The following NACA variants were observed in gnomAD, a reference collection of about 807,000 sequenced individuals.
The protein encoded by NACA is nascent polypeptide associated complex subunit alpha.
A neutral mutation model predicts 86.4 loss-of-function variants in NACA; 42 were observed. That is an observed-to-expected ratio of 0.49 (90% CI 0.38 to 0.63). NACA has a LOEUF of 0.63. Among genes scored for constraint, NACA ranks in the 20% least tolerant of loss-of-function variants. NACA has a pLI of 0.00. For missense variants in NACA, 2,157 were observed against 2,483.6 expected (o/e 0.87, Z 2.80); for synonymous variants, 898 against 973.7 (o/e 0.92, Z 1.45).
rs758933584 is a variant in NACA at position 56,716,998 on chromosome 12, G to A, written c.4532C>T (p.Ser1511Phe). 1.0e-5 allele frequency: 13 copies of A among 1,284,284 alleles called. No individual in the cohort carries two copies. The highest frequency in any genetic ancestry group is 4.3e-4 in the Middle Eastern group (2 of 4,620). 79.6% of individuals were successfully genotyped at this position (1,284,284 alleles called of 1,614,324 possible). Residue 1511 changes from serine to phenylalanine, a missense_variant, in exon 3 of 9, where the codon TCT (serine) becomes TTT (phenylalanine). By Grantham distance (155) the Ser-to-Phe change is radical. Transcript: ENST00000454682. ...GAPTLPAVIP[S>F]SPKEVPATPS... ...GGTAGCTGGGACCTCTTTGGGGGAAGAAGGAATCACAGCTGGCAGAGTGGG... is the reference window on the plus strand; with the variant it reads ...GGTAGCTGGGACCTCTTTGGGGGAAAAAGGAATCACAGCTGGCAGAGTGGG...
Position 56,713,195 on chromosome 12 carries a change from A to C in NACA, c.5971-5T>G. On this transcript the variant is annotated splice_region_variant and splice_polypyrimidine_tract_variant and intron_variant, in intron 6 of 8. Coordinates refer to ENST00000454682, the MANE Select transcript of NACA (RefSeq NM_001365896.1). ...TTGCTGGGATAAATCTTCGATCTAC[A>C]GGGTAGAAAATACAGATCCATGTGA... 6.2e-7 allele frequency: 1 copy of C among 1,613,760 alleles called. No individual in the cohort carries two copies. The highest frequency in any genetic ancestry group is 1.7e-5 in the Admixed American group (1 of 59,980).
At chr12:56,714,767 G>C (rs970588569) in intron 3 of NACA, 80 bp from the exon 4 acceptor site, 1 of 1,282,842 alleles carries the variant, frequency 7.8e-7, no homozygotes, top group Admixed American at 1.7e-5. Flanking sequence ...CCCTGGACTA[G>C]AGGTGAATGC....
Position 56,713,583 on chromosome 12 carries a change from T to C in NACA, c.5924A>G (p.Tyr1975Cys), listed in dbSNP as rs771639337. 1.2e-6 allele frequency: 2 copies of C among 1,614,032 alleles called. No homozygotes were observed. Among genetic ancestry groups the C allele is most frequent in the South Asian group, 1.1e-5 (1 of 91,080 alleles). Residue 1975 changes from tyrosine (Y) to cysteine (C), a missense_variant, in exon 6 of 9, where the codon TAC becomes TGC. Coordinates refer to ENST00000454682, the MANE Select transcript of NACA (RefSeq NM_001365896.1). ...ILFVITKPDV[Y>C]KSPASDTYIV... Reference sequence around the variant, plus strand: ...GTAAGTATCTGAAGCAGGGCTCTTGTAGACATCTGGTTTTGTGATGACAAA... The same window carrying C: ...GTAAGTATCTGAAGCAGGGCTCTTGCAGACATCTGGTTTTGTGATGACAAA...
Position 56,720,361 on chromosome 12 carries a change from C to T in NACA, c.1169G>A (p.Ser390Asn). The change falls in exon 3 of 9, where the codon AGC (serine) becomes AAC (asparagine). Residue 390 changes from serine to asparagine, a missense_variant. Transcript: ENST00000454682. ...SVDKGPSTIS[S>N]ITCSPSGSLN... ...GGAGCCAGAAGGGCTGCAGGTTATG[C>T]TAGAGATGGTAGAGGGACCTTTGTC... The T allele has an allele frequency of 6.2e-7, 1 of 1,613,722 alleles. No homozygotes were observed. Among genetic ancestry groups the T allele is most frequent in the Non-Finnish European group, 8.5e-7 (1 of 1,179,790 alleles).
chr12:56,714,804 T>A (rs1270250108), intron 3 of NACA, 117 bp from the exon 4 acceptor site: 2 of 923,922 alleles, frequency 2.2e-6, no homozygotes, highest in Non-Finnish European at 3.4e-6. Flanking sequence ...GAATGTTAAA[T>A]GTAAACCAAC....
chr12:56,720,700 G>C lies in NACA; in HGVS notation c.830C>G (p.Ser277Cys), dbSNP rs543527270. The C allele has an allele frequency of 2.5e-6, 4 of 1,613,958 alleles. No homozygotes were observed. In the East Asian group the frequency reaches 6.7e-5, roughly 27 times the overall value. ...CACAGGAAGAGACTGAGTTGAAAGAGATAAGGCAGCAGGTGGACTAACAGG... is the reference window on the plus strand; with the variant it reads ...CACAGGAAGAGACTGAGTTGAAAGACATAAGGCAGCAGGTGGACTAACAGG... ...KGPVSPPAAL[S>C]LSTQSLPVVT... Residue 277 changes from serine (S) to cysteine (C), a missense_variant, in exon 3 of 9, where the codon TCT becomes TGT. Ser to Cys is a moderately radical substitution (Grantham distance 112). Around this residue, in one of 8 missense-constraint regions of NACA, gnomAD observed 947 missense variants for 917.9 expected, o/e 1.03. Coordinates refer to ENST00000454682, the MANE Select transcript of NACA (RefSeq NM_001365896.1).
At position 56,721,313 on chromosome 12, in the gene NACA, T is replaced by C. The variant is rs756582431; in HGVS notation, c.217A>G (p.Ile73Val). The C allele has an allele frequency of 1.6e-5, 25 of 1,607,094 alleles. No homozygotes were observed. In the Middle Eastern group the frequency reaches 8.3e-4, roughly 53 times the overall value. The change falls in exon 3 of 9, where the codon ATT becomes GTT. Residue 73 changes from isoleucine (I) to valine (V), a missense_variant. Around this residue, in one of 8 missense-constraint regions of NACA, gnomAD observed 947 missense variants for 917.9 expected, o/e 1.03. Transcript: ENST00000454682. The part of the protein sequence containing the change: ...QASPFPSPST[I>V]ASTPLEVPFP... ...GGAACTTCTAAAGGGGTCGAGGCAA[T>C]AGTAGAGGGGGAAGGGAATGGGGAA...
chr12:56,712,453 CTT>C lies in NACA; in HGVS notation c.*83_*84del, dbSNP rs1304397091. ...GAATTCATCCAACAAGAAGCCATAA[CTT>C]TATTTATGATAGAAACAGTACAAAT... On this transcript the variant is annotated 3_prime_UTR_variant, in exon 9 of 9. Coordinates refer to ENST00000454682, the MANE Select transcript of NACA (RefSeq NM_001365896.1). 2.8e-6 allele frequency: 4 copies of C among 1,406,766 alleles called. No individual in the cohort carries two copies. In the East Asian group the frequency reaches 9.2e-5, roughly 32 times the overall value. The allele number at this position is 1,406,766 out of a possible 1,614,324, so 87.1% of individuals were successfully genotyped here.
At position 56,724,403 on chromosome 12, in the gene NACA, G is replaced by A. The variant is rs765916766; in HGVS notation, c.70+49C>T. ...CCCTTGGTCATTTTGCCCACCAAAT[G>A]GCTTTAGGGTTAATTTTAATTAATG... is the stretch of plus-strand genomic sequence containing the variant. On this transcript the variant is annotated intron_variant, in intron 2 of 8. Transcript: ENST00000454682. 23 of 1,548,668 alleles carry A rather than the reference G, an allele frequency of 1.5e-5. No individual in the cohort carries two copies. In the African/African-American group the frequency reaches 2.7e-4, roughly 19 times the overall value.
chr12:56,718,644 G>A lies in NACA; in HGVS notation c.2886C>T (p.Ala962=), dbSNP rs537859542. The A allele has an allele frequency of 1.3e-5, 17 of 1,320,412 alleles. No individual in the cohort carries two copies. Among genetic ancestry groups the A allele is most frequent in the South Asian group, 2.8e-5 (2 of 72,080 alleles). 81.8% of individuals were successfully genotyped at this position (1,320,412 alleles called of 1,614,324 possible). The part of the protein sequence containing the change: ...GGPATPSPKW[A]PTPPAATPPS... Reference sequence around the variant, plus strand: ...GAGGAGTTGCAGCTGGGGGTGTGGGGGCCCATTTCGGGGATGGGGTAGCTG... The same window carrying A: ...GAGGAGTTGCAGCTGGGGGTGTGGGAGCCCATTTCGGGGATGGGGTAGCTG... Residue 962 remains alanine (A), a synonymous_variant, in exon 3 of 9, where the codon GCC becomes GCT. Transcript: ENST00000454682.
rs1472033537 is a variant in NACA at position 56,719,504 on chromosome 12, A to G, written c.2026T>C (p.Phe676Leu). The change falls in exon 3 of 9, where the codon TTT becomes CTT. Residue 676 changes from phenylalanine to leucine, a missense_variant. Phe to Leu is a conservative substitution (Grantham distance 22). Around this residue, in one of 8 missense-constraint regions of NACA, gnomAD observed 947 missense variants for 917.9 expected, o/e 1.03. Coordinates refer to ENST00000454682, the MANE Select transcript of NACA (RefSeq NM_001365896.1). Reference protein sequence around the residue: ...TSTYTTTASPFLEGTVSLAPK... With the variant: ...TSTYTTTASPLLEGTVSLAPK... Reference sequence around the variant, plus strand: ...GCTAAAGAGACAGTTCCTTCTAGAAAAGGGCTGGCTGTAGTTGTATAAGTT... The same window carrying G: ...GCTAAAGAGACAGTTCCTTCTAGAAGAGGGCTGGCTGTAGTTGTATAAGTT... 7 of 1,613,934 alleles carry G rather than the reference A, an allele frequency of 4.3e-6. No individual in the cohort carries two copies. The highest frequency in any genetic ancestry group is 5.9e-6 in the Non-Finnish European group (7 of 1,179,874).
At position 56,717,472 on chromosome 12, in the gene NACA, G is replaced by C. The variant is rs369112398; in HGVS notation, c.4058C>G (p.Thr1353Ser). 13 of 1,375,268 alleles carry C rather than the reference G, an allele frequency of 9.5e-6. No homozygotes were observed. Among genetic ancestry groups the C allele is most frequent in the Non-Finnish European group, 1.3e-5 (13 of 1,038,330 alleles). 85.2% of individuals were successfully genotyped at this position (1,375,268 alleles called of 1,614,324 possible). The change falls in exon 3 of 9, where the codon ACT (threonine) becomes AGT (serine). Residue 1353 changes from threonine (T) to serine (S), a missense_variant. By Grantham distance (58) the Thr-to-Ser change is moderately conservative (BLOSUM62 1). Transcript: ENST00000454682. ...PKGTPTLPAT[T>S]PSSKGGPTTP... ...AGTTGGGCCTCCTTTAGAGGAGGGAGTTGTAGCTGGGAGAGTAGGGGTCCC... is the reference window on the plus strand; with the variant it reads ...AGTTGGGCCTCCTTTAGAGGAGGGACTTGTAGCTGGGAGAGTAGGGGTCCC...
chr12:56,720,990 A>G lies in NACA; in HGVS notation c.540T>C (p.Ala180=), dbSNP rs1271108609. ...TAAGATTAGTCTTTGGTTCTGAGGG[A>G]GCAATGGGAGCTGACAGAGTTATCA... is the stretch of plus-strand genomic sequence containing the variant. ...GSVITLSAPI[A]PSEPKTNLNK... is the part of the protein sequence containing the mutation. The change falls in exon 3 of 9, where the codon GCT becomes GCC. Residue 180 remains alanine, a synonymous_variant. Coordinates refer to ENST00000454682, the MANE Select transcript of NACA (RefSeq NM_001365896.1). The G allele has an allele frequency of 1.2e-6, 2 of 1,613,990 alleles. No homozygotes were observed. The highest frequency in any genetic ancestry group is 1.7e-6 in the Non-Finnish European group (2 of 1,179,888).
At position 56,716,324 on chromosome 12, in the gene NACA, C is replaced by T. The variant is rs1450420436; in HGVS notation, c.5206G>A (p.Ala1736Thr). ...TCTTTCTGAACAGGGAGTAGAGGGGCTGGAGCCACTGTGGAAAGGGGTCCT... is the reference window on the plus strand; with the variant it reads ...TCTTTCTGAACAGGGAGTAGAGGGGTTGGAGCCACTGTGGAAAGGGGTCCT... Reference protein sequence around the residue: ...SKGPLSTVAPAPLLPVQKDSS... With the variant: ...SKGPLSTVAPTPLLPVQKDSS... The change falls in exon 3 of 9, where the codon GCC (alanine) becomes ACC (threonine). Residue 1736 changes from alanine (A) to threonine (T), a missense_variant. Around this residue, in one of 8 missense-constraint regions of NACA, gnomAD observed 797 missense variants for 777.6 expected, o/e 1.02. Coordinates refer to ENST00000454682, the MANE Select transcript of NACA (RefSeq NM_001365896.1). 1 of 1,612,824 alleles carries T rather than the reference C, an allele frequency of 6.2e-7. No individual in the cohort carries two copies. The highest frequency in any genetic ancestry group is 1.1e-5 in the South Asian group (1 of 90,258).
In NACA at chr12:56,720,485, A is replaced by T. The variant is rs780869837; in HGVS notation, c.1045T>A (p.Ser349Thr). The T allele has an allele frequency of 1.2e-5, 20 of 1,613,794 alleles. No homozygotes were observed. The South Asian group carries it at 2.1e-4, about 17-fold the overall frequency. ...ATTACAGATCTCTGAGAAGGATAAG[A>T]GGCCCCTGTGGAAGAATGATCTACA... ...ISVDHSSTGA[S>T]YPSQRSVIPP... is the part of the protein sequence containing the mutation. The change falls in exon 3 of 9, where the codon TCT becomes ACT. Residue 349 changes from serine (S) to threonine (T), a missense_variant. Transcript: ENST00000454682.
rs1041462539 is a variant in NACA at position 56,720,206 on chromosome 12, C to T, written c.1324G>A (p.Val442Met). ...PVSSVGTTPL[V>M]VTNPCTIAAA... Reference sequence around the variant, plus strand: ...GCAATTGTACAGGGGTTAGTCACCACAAGTGGGGTGGTTCCAACAGAAGAA... The same window carrying T: ...GCAATTGTACAGGGGTTAGTCACCATAAGTGGGGTGGTTCCAACAGAAGAA... Residue 442 changes from valine (V) to methionine (M), a missense_variant, in exon 3 of 9, where the codon GTG becomes ATG. Transcript: ENST00000454682. The T allele has an allele frequency of 6.2e-7, 1 of 1,613,736 alleles. No homozygotes were observed. The highest frequency in any genetic ancestry group is 1.3e-5 in the African/African-American group (1 of 74,856).
rs778408573 is a variant in NACA, at chr12:56,721,320, G to C, written c.210C>G (p.Pro70=). The change falls in exon 3 of 9, where the codon CCC becomes CCG. Residue 70 remains proline (P), a synonymous_variant. Transcript: ENST00000454682. ...AANQASPFPS[P]STIASTPLEV... is the part of the protein sequence containing the mutation. ...CTAAAGGGGTCGAGGCAATAGTAGAGGGGGAAGGGAATGGGGAAGCCTGGT... is the reference window on the plus strand; with the variant it reads ...CTAAAGGGGTCGAGGCAATAGTAGACGGGGAAGGGAATGGGGAAGCCTGGT... 1 of 1,612,126 alleles carries C rather than the reference G, an allele frequency of 6.2e-7. No individual in the cohort carries two copies.
rs376202677 is a variant in NACA at position 56,713,525 on chromosome 12, A to G, written c.5970+12T>C. 1 of 1,612,958 alleles carries G rather than the reference A, an allele frequency of 6.2e-7. No individual in the cohort carries two copies. Among genetic ancestry groups the G allele is most frequent in the Non-Finnish European group, 8.5e-7 (1 of 1,179,434 alleles). On this transcript the variant is annotated intron_variant, in intron 6 of 8. Transcript: ENST00000454682. ...CCTGGTCTGGAACAATGCCCAAGAA[A>G]AGTTTACTCACCTTGGCTTCCCCAA... is the stretch of plus-strand genomic sequence containing the variant.
In NACA at chr12:56,716,176, G is replaced by C; in HGVS notation, c.5354C>G (p.Pro1785Arg). 1.2e-6 allele frequency: 2 copies of C among 1,613,680 alleles called. No homozygotes were observed. Among genetic ancestry groups the C allele is most frequent in the Non-Finnish European group, 1.7e-6 (2 of 1,179,850 alleles). The part of the protein sequence containing the change: ...AAAFEKVLPK[P>R]ESASVSAAPS... The stretch of plus-strand genomic sequence containing the variant: ...TGCTGCAGAGACAGATGCTGATTCA[G>C]GTTTAGGAAGGACCTTCTCAAAGGC... The change falls in exon 3 of 9, where the codon CCT (proline) becomes CGT (arginine). Residue 1785 changes from proline (P) to arginine (R), a missense_variant. By Grantham distance (103) the Pro-to-Arg change is moderately radical. Coordinates refer to ENST00000454682, the MANE Select transcript of NACA (RefSeq NM_001365896.1).
Sources: gnomAD v4.1 joint callset for allele counts on GRCh38, gnomAD v4.1.1 for gene constraint, gnomAD v4.1.1 regional missense constraint, MANE v1.5 for transcripts, NCBI Gene and HGNC (gene_info 2026-07-23, HGNC 2026-07-21) for gene names.